Variants in SLC26A7 observed in about 807,000 individuals in gnomAD.
SLC26A7 encodes anion exchange transporter.
A neutral mutation model predicts 82.5 loss-of-function variants in SLC26A7; 59 were observed. The ratio of observed to expected loss-of-function variants is 0.72; its 90% CI spans 0.58 to 0.89. The LOEUF is 0.89. Among genes scored for constraint, SLC26A7 ranks in the 40% least tolerant of loss-of-function variants. The probability of loss-of-function intolerance (pLI) is 0.00; values close to 1 mark genes in which losing one functional copy is unlikely to be tolerated. For missense variants in SLC26A7, 820 were observed against 793.0 expected (o/e 1.03, Z -0.41); for synonymous variants, 271 against 274.3 (o/e 0.99, Z 0.12).
intron 2 of SLC26A7, among the ~76,000 whole-genome samples, chr8:91,233,137 A>G (rs1179168379): frequency 6.6e-6 from 1 of 152,214 alleles, no homozygotes; most frequent in East Asian, 1.9e-4. Flanking sequence ...CATCAAACAG[A>G]GGATAATTTA....
Position 91,220,606 on chromosome 8 carries a change from G to A in SLC26A7, c.-34+1601G>A, listed in dbSNP as rs1485060055. Reference sequence around the variant, plus strand: ...TATGAGTGAGAACATGTGGTGTTTGGTTTTCTGTTCCCGTGCTGGTTTGCT... The same window carrying A: ...TATGAGTGAGAACATGTGGTGTTTGATTTTCTGTTCCCGTGCTGGTTTGCT... On this transcript the variant is annotated intron_variant, in intron 2 of 5. Coordinates refer to the SLC26A7 transcript ENST00000522862. 3.3e-5 allele frequency among the ~76,000 whole-genome samples: 5 copies of A among 152,070 alleles called. No homozygotes were observed. The South Asian group carries it at 8.3e-4, about 25-fold the overall frequency.
At chr8:91,374,875 G>A (rs947603905) in intron 15 of SLC26A7, among the ~76,000 whole-genome samples, 2 of 151,854 alleles carry the variant, frequency 1.3e-5, no homozygotes, top group African/African-American at 2.4e-5. Context: ...CCTTTTCTTA[G>A]GTCTAGTAGT....
chr8:91,374,704 GT>G (rs952769848), intron 15 of SLC26A7, among the ~76,000 whole-genome samples: 3 of 151,946 alleles, frequency 2.0e-5, no homozygotes, highest in Non-Finnish European at 2.9e-5. Context: ...TGTATATTCT[GT>G]GCTTGTTATG....
At chr8:91,239,387 A>T (rs1459800092) in intron 2 of SLC26A7, among the ~76,000 whole-genome samples, 21 of 106,526 alleles carry the variant, frequency 2.0e-4, no homozygotes, top group Non-Finnish European at 3.8e-4. Context: ...AAAAAAAAAA[A>T]AAAAAAAAAT....
At chr8:91,368,413 GTTTTTTTTTTTGT>G (rs1814254605) in intron 14 of SLC26A7, among the ~76,000 whole-genome samples, 1 of 144,990 alleles carries the variant, frequency 6.9e-6, no homozygotes, top group African/African-American at 2.5e-5. Flanking sequence ...TTCAGATGAG[GTTTTTTTTTTTGT>G]TTTTTTTTTT....
At chr8:91,344,093 A>G in intron 9 of SLC26A7, 1 of 985,380 alleles carries the variant, frequency 1.0e-6, no homozygotes, top group African/African-American at 1.7e-5. Context: ...GTAGTGGTGG[A>G]AAAGATATTG....
chr8:91,303,939 A>T (rs1812234541), intron 4 of SLC26A7, among the ~76,000 whole-genome samples: 1 of 152,224 alleles, frequency 6.6e-6, no homozygotes, highest in Non-Finnish European at 1.5e-5. Context: ...GCAGAAAGTC[A>T]TTACTCTGTT....
intron 2 of SLC26A7, among the ~76,000 whole-genome samples, chr8:91,278,994 A>G (rs1000205881): frequency 1.3e-5 from 2 of 151,838 alleles, no homozygotes; most frequent in Non-Finnish European, 2.9e-5. Flanking sequence ...AAGTAAGATT[A>G]GGTAGTAATT....
chr8:91,394,400 T>A (rs1032829108), intron 18 of SLC26A7: 12 of 1,473,888 alleles, frequency 8.1e-6, no homozygotes, highest in Non-Finnish European at 1.1e-5. Flanking sequence ...TATGGCCTTT[T>A]AAGTTTTTTC....
intron 2 of SLC26A7, among the ~76,000 whole-genome samples, chr8:91,234,815 A>ACTT (rs1251330483): frequency 5.2e-5 from 6 of 116,290 alleles, no homozygotes; most frequent in African/African-American, 2.0e-4. Context: ...CTACCTACCT[A>ACTT]CCTACCTACC....
chr8:91,336,438 G>T (rs1442901765), intron 6 of SLC26A7, among the ~76,000 whole-genome samples: 1 of 152,042 alleles, frequency 6.6e-6, no homozygotes, highest in Non-Finnish European at 1.5e-5. Context: ...AGAAATCTAG[G>T]TTGCGTGCTT....
intron 15 of SLC26A7, among the ~76,000 whole-genome samples, chr8:91,384,558 G>A (rs1814748099): frequency 1.3e-5 from 2 of 152,060 alleles, no homozygotes; most frequent in South Asian, 4.1e-4. Context: ...CATCACACAA[G>A]GTCTCCTTCA....
intron 3 of SLC26A7, among the ~76,000 whole-genome samples, chr8:91,290,184 T>C (rs1041722894): frequency 6.6e-5 from 10 of 152,164 alleles, no homozygotes; most frequent in Admixed American, 3.3e-4. Flanking sequence ...TAGAGACATT[T>C]CTATTTATTT....
intron 1 of SLC26A7, among the ~76,000 whole-genome samples, chr8:91,212,073 A>G (rs1323697299): frequency 6.6e-6 from 1 of 152,110 alleles, no homozygotes; most frequent in Admixed American, 6.6e-5. Context: ...TCTGCCATCA[A>G]AGTTGAATTA....
rs1266220091 is a variant in SLC26A7 at position 91,395,902 on chromosome 8, T to C, written c.*805T>C. On this transcript the variant is annotated 3_prime_UTR_variant, in exon 19 of 19. Coordinates refer to ENST00000276609, the MANE Select transcript of SLC26A7 (RefSeq NM_052832.4). Reference sequence around the variant, plus strand: ...GAGAATATGAAAATTACACATTTTATAATTTTTAGATGAGAAAATACCACT... The same window carrying C: ...GAGAATATGAAAATTACACATTTTACAATTTTTAGATGAGAAAATACCACT... The C allele has an allele frequency of 6.6e-6, 1 of 152,096 alleles. No individual in the cohort carries two copies. The highest frequency in any genetic ancestry group is 1.5e-5 in the Non-Finnish European group (1 of 67,938). The allele number at this position is 152,096 out of a possible 1,614,324, so 9.4% of individuals were successfully genotyped here.
intron 15 of SLC26A7, among the ~76,000 whole-genome samples, chr8:91,388,231 C>T (rs1406467887): frequency 1.3e-5 from 2 of 151,734 alleles, no homozygotes; most frequent in South Asian, 4.1e-4. Flanking sequence ...CCCGGGTTCA[C>T]GCCGTTCTCC....
chr8:91,262,582 G>A (rs1038377663), intron 2 of SLC26A7, among the ~76,000 whole-genome samples: 1 of 151,972 alleles, frequency 6.6e-6, no homozygotes, highest in African/African-American at 2.4e-5. Flanking sequence ...GGTGTCCCCC[G>A]TCCTCGCATT....
At chr8:91,327,807 G>A (rs1236536654) in intron 5 of SLC26A7, among the ~76,000 whole-genome samples, 2 of 152,106 alleles carry the variant, frequency 1.3e-5, no homozygotes, top group South Asian at 4.1e-4. Context: ...CCAAGATAGT[G>A]CAGGAATGAT....
At chr8:91,218,990 C>G in exon 2 of SLC26A7, 1 of 1,545,812 alleles carries the variant, frequency 6.5e-7, no homozygotes, top group Non-Finnish European at 8.8e-7. Context: ...TTTGGAATTG[C>G]TCAGGTGTAG....
Sources: gnomAD v4.1 joint callset for allele counts (sites outside exome capture counted in the v4.1 genomes callset) on GRCh38, gnomAD v4.1.1 for gene constraint, MANE v1.5 for transcripts, NCBI Gene and HGNC (gene_info 2026-07-23, HGNC 2026-07-21) for gene names.